COLGALT2: variants seen among roughly 807,000 people sequenced by gnomAD.
COLGALT2 encodes the protein procollagen galactosyltransferase 2.
Under a neutral mutation model 73.4 loss-of-function variants are expected in COLGALT2, and 49 were observed. The ratio of observed to expected loss-of-function variants is 0.67; its 90% CI spans 0.53 to 0.85. The LOEUF is 0.85. Ranked by LOEUF, COLGALT2 falls within the 40% of genes least tolerant of loss-of-function variation. The probability of loss-of-function intolerance (pLI) is 0.00; values close to 1 mark genes in which losing one functional copy is unlikely to be tolerated. For missense variants in COLGALT2, 722 were observed against 790.2 expected (o/e 0.91, Z 1.03); for synonymous variants, 295 against 307.6 (o/e 0.96, Z 0.43).
At position 183,962,154 on chromosome 1, in the gene COLGALT2, C is replaced by CTTTTTTT. The variant is rs34873073; in HGVS notation, c.952+1740_952+1746dup. ...TTTCTTTTCTTTTCTTTTTCTCTTT[C>CTTTTTTT]TTTTTTTTTTTTTTTTTTTTTTTGA... is the stretch of plus-strand genomic sequence containing the variant. On this transcript the variant is annotated intron_variant, in intron 6 of 11. Coordinates refer to ENST00000361927, the MANE Select transcript of COLGALT2 (RefSeq NM_015101.4). Among the ~76,000 whole-genome samples the CTTTTTTT allele has an allele frequency of 6.7e-3, 577 of 85,504 alleles. 19 individuals are homozygous for CTTTTTTT. Among genetic ancestry groups the CTTTTTTT allele is most frequent in the African/African-American group, 0.012 (243 of 19,976 alleles). The allele number at this position is 85,504 out of a possible 152,430, so 56.1% of individuals were successfully genotyped here.
chr1:183,985,214 A>G (rs1356185312), intron 1 of COLGALT2, among the ~76,000 whole-genome samples: 1 of 152,228 alleles, frequency 6.6e-6, no homozygotes, highest in Non-Finnish European at 1.5e-5. Context: ...ATCATATTAA[A>G]GATGAAGACT....
Position 183,939,088 on chromosome 1 carries a change from C to T in COLGALT2, c.1605-51G>A, listed in dbSNP as rs3010040. ...CATGAGGGGGCGGAAAGGAGACTTACGGAACAGGGACAAAGAGTGAAGGAG... is the reference window on the plus strand; with the variant it reads ...CATGAGGGGGCGGAAAGGAGACTTATGGAACAGGGACAAAGAGTGAAGGAG... On this transcript the variant is annotated intron_variant, in intron 11 of 11. Transcript: ENST00000361927. The T allele has an allele frequency of 0.19, 272,890 of 1,430,840 alleles. 27,503 individuals are homozygous for T. Among genetic ancestry groups the T allele is most frequent in the Admixed American group, 0.28 (16,138 of 56,714 alleles). The allele number at this position is 1,430,840 out of a possible 1,614,324, so 88.6% of individuals were successfully genotyped here.
intron 1 of COLGALT2, among the ~76,000 whole-genome samples, chr1:183,982,884 A>C (rs1671390754): frequency 6.6e-6 from 1 of 152,232 alleles, no homozygotes; most frequent in Non-Finnish European, 1.5e-5. Flanking sequence ...GACTTCTTAA[A>C]TTCTCTTTGC....
At chr1:183,976,010 G>A (rs1028906893) in intron 2 of COLGALT2, among the ~76,000 whole-genome samples, 3 of 152,176 alleles carry the variant, frequency 2.0e-5, no homozygotes, top group South Asian at 4.1e-4. Flanking sequence ...ACTATGTACA[G>A]CACAGGAATT....
At chr1:184,023,852 G>A (rs1649250784) in intron 1 of COLGALT2, among the ~76,000 whole-genome samples, 1 of 151,836 alleles carries the variant, frequency 6.6e-6, no homozygotes, top group African/African-American at 2.4e-5. Context: ...TAATTCTCTG[G>A]GCTTTTTTTC....
chr1:183,996,106 G>A (rs1054639639), intron 1 of COLGALT2, among the ~76,000 whole-genome samples: 1 of 151,946 alleles, frequency 6.6e-6, no homozygotes, highest in African/African-American at 2.4e-5. Context: ...TGCCTTGTAC[G>A]CTGCCAGGCC....
chr1:183,965,632 G>C (rs1007652588), intron 5 of COLGALT2, among the ~76,000 whole-genome samples: 19 of 152,160 alleles, frequency 1.2e-4, no homozygotes, highest in African/African-American at 4.1e-4. Flanking sequence ...ATATTAGAAA[G>C]CTCCAGAACA....
rs932540996 is a variant in COLGALT2, at chr1:183,940,454, T to C, written c.1604+127A>G. On this transcript the variant is annotated intron_variant, in intron 11 of 11. Transcript: ENST00000361927. ...CACCTGAGTTAGGCTCTCTTAATCA[T>C]AATTATGAGAAGATCATTTAGGAAA... is the stretch of plus-strand genomic sequence containing the variant. 4.5e-6 allele frequency: 4 copies of C among 887,756 alleles called. No individual in the cohort carries two copies. In the African/African-American group the frequency reaches 6.6e-5, roughly 15 times the overall value. 55.0% of individuals were successfully genotyped at this position (887,756 alleles called of 1,614,324 possible). A position where few individuals can be genotyped will look rare whatever the true frequency, so the allele number is the denominator to read the frequency against.
chr1:184,000,825 A>ATTTTTTT (rs149091262), intron 1 of COLGALT2, among the ~76,000 whole-genome samples: 2 of 113,224 alleles, frequency 1.8e-5, no homozygotes, highest in African/African-American at 3.5e-5. Flanking sequence ...TCAGCCCCCC[A>ATTTTTTT]TTTTTTTTTT....
chr1:183,987,467 A>G (rs766698960), intron 1 of COLGALT2, among the ~76,000 whole-genome samples: 5 of 152,262 alleles, frequency 3.3e-5, no homozygotes, highest in Admixed American at 3.3e-4. Flanking sequence ...ACATCAGGTT[A>G]GATTGGACAC....
chr1:183,964,275 C>G (rs1300750890), intron 5 of COLGALT2: 1 of 429,146 alleles, frequency 2.3e-6, no homozygotes, highest in Non-Finnish European at 4.1e-6. Flanking sequence ...GAAGAAAAAG[C>G]AAACTCATGG....
chr1:184,025,088 G>C (rs553008201), intron 1 of COLGALT2, among the ~76,000 whole-genome samples: 1 of 152,224 alleles, frequency 6.6e-6, no homozygotes, highest in Non-Finnish European at 1.5e-5. Context: ...TCGCACAGGC[G>C]TTATGAAAGC....
At chr1:183,978,576 A>G (rs1671269337) in intron 1 of COLGALT2, 56 bp from the exon 2 acceptor site, 1 of 1,134,140 alleles carries the variant, frequency 8.8e-7, no homozygotes, top group African/African-American at 1.5e-5. Context: ...AAAGAGAGGG[A>G]AATCCAAAAG....
chr1:184,004,849 G>C (rs1369384030), intron 1 of COLGALT2, among the ~76,000 whole-genome samples: 1 of 152,168 alleles, frequency 6.6e-6, no homozygotes, highest in African/African-American at 2.4e-5. Context: ...AGAGCAGGGG[G>C]ACGTGGGAGT....
chr1:183,959,505 C>G (rs893189073), intron 6 of COLGALT2, among the ~76,000 whole-genome samples: 4 of 152,176 alleles, frequency 2.6e-5, no homozygotes, highest in Non-Finnish European at 5.9e-5. Context: ...TTCTTTCCTT[C>G]ATGGACTGCA....
At chr1:183,976,250 T>C (rs1269742268) in intron 2 of COLGALT2, among the ~76,000 whole-genome samples, 2 of 152,028 alleles carry the variant, frequency 1.3e-5, no homozygotes, top group Non-Finnish European at 2.9e-5. Context: ...TAAGGCACTC[T>C]AAAGGAGTGT....
At chr1:184,001,362 G>C (rs1671920624) in intron 1 of COLGALT2, among the ~76,000 whole-genome samples, 1 of 152,046 alleles carries the variant, frequency 6.6e-6, no homozygotes, top group Non-Finnish European at 1.5e-5. Flanking sequence ...TGGATCTGAA[G>C]ATTGGTATCT....
chr1:183,976,624 T>A (rs1572651271), intron 2 of COLGALT2, among the ~76,000 whole-genome samples: 1 of 152,134 alleles, frequency 6.6e-6, no homozygotes, highest in Admixed American at 6.5e-5. Flanking sequence ...TATTTGTTCA[T>A]CCAACCAGTA....
chr1:183,996,323 T>C (rs1671770198), intron 1 of COLGALT2, among the ~76,000 whole-genome samples: 1 of 152,194 alleles, frequency 6.6e-6, no homozygotes, highest in Non-Finnish European at 1.5e-5. Context: ...GAAGTGATAA[T>C]GTTTAGAATC....
Sources: gnomAD v4.1 joint callset for allele counts (sites outside exome capture counted in the v4.1 genomes callset) on GRCh38, gnomAD v4.1.1 for gene constraint, MANE v1.5 for transcripts, NCBI Gene and HGNC (gene_info 2026-07-23, HGNC 2026-07-21) for gene names.